The following SOX5 variants were observed in gnomAD, a reference collection of about 807,000 sequenced individuals.
The protein encoded by SOX5 is transcription factor SOX-5.
In SOX5, 9 loss-of-function variants were observed where a neutral mutation model predicts 92.0. The ratio of observed to expected loss-of-function variants is 0.10; its 90% CI spans 0.06 to 0.17. The LOEUF (loss-of-function observed/expected upper bound fraction) is 0.17. Among genes scored for constraint, SOX5 ranks in the 10% least tolerant of loss-of-function variants. The pLI, the probability that SOX5 is intolerant of heterozygous loss-of-function variation, is 1.00. For synonymous variants in SOX5, 344 were observed against 336.3 expected (o/e 1.02, Z -0.25); for missense variants, 642 against 944.5 (o/e 0.68, Z 4.20).
At chr12:24,448,498 C>T (rs954676104) in intron 1 of SOX5, among the ~76,000 whole-genome samples, 3 of 152,152 alleles carry the variant, frequency 2.0e-5, no homozygotes, top group South Asian at 2.1e-4. Context: ...ATATTACCCA[C>T]GGTGTTGTAG....
At chr12:24,458,048 T>G (rs1432220579) in intron 1 of SOX5, among the ~76,000 whole-genome samples, 1 of 150,536 alleles carries the variant, frequency 6.6e-6, no homozygotes, top group African/African-American at 2.4e-5. Flanking sequence ...TTTTTTTTTT[T>G]AGTATAAGTA....
intron 3 of SOX5, among the ~76,000 whole-genome samples, chr12:23,827,867 C>T (rs1053636513): frequency 2.6e-5 from 4 of 152,164 alleles, no homozygotes; most frequent in Non-Finnish European, 5.9e-5. Flanking sequence ...AGTACCATGT[C>T]CTGCCAGAGC....
chr12:24,536,727 T>C (rs1365803725), intron 1 of SOX5, among the ~76,000 whole-genome samples: 1 of 152,216 alleles, frequency 6.6e-6, no homozygotes, highest in Non-Finnish European at 1.5e-5. Context: ...TTTTTACTTT[T>C]TCTAATTTAA....
intron 1 of SOX5, among the ~76,000 whole-genome samples, chr12:24,385,184 G>C (rs960759401): frequency 6.6e-6 from 1 of 152,162 alleles, no homozygotes; most frequent in African/African-American, 2.4e-5. Context: ...ACACAGTACA[G>C]ACTGTCCCCA....
At chr12:23,749,331 A>G (rs1187673127) in intron 4 of SOX5, among the ~76,000 whole-genome samples, 3 of 151,934 alleles carry the variant, frequency 2.0e-5, no homozygotes, top group African/African-American at 7.2e-5. Flanking sequence ...AAATTAATTG[A>G]CATCTTCTTG....
intron 3 of SOX5, among the ~76,000 whole-genome samples, chr12:23,759,702 C>T (rs958493423): frequency 6.6e-6 from 1 of 152,062 alleles, no homozygotes; most frequent in African/African-American, 2.4e-5. Context: ...CCAATATTTA[C>T]AATACACCTG....
chr12:23,608,896 G>A (rs1429586122), intron 8 of SOX5, among the ~76,000 whole-genome samples: 3 of 152,200 alleles, frequency 2.0e-5, no homozygotes, highest in African/African-American at 4.8e-5. Flanking sequence ...TGATATAGCA[G>A]AGGAGAGAGA....
At chr12:24,123,457 A>G (rs1948816604) in intron 4 of SOX5, among the ~76,000 whole-genome samples, 1 of 152,230 alleles carries the variant, frequency 6.6e-6, no homozygotes, top group Non-Finnish European at 1.5e-5. Context: ...GAACATTTTT[A>G]TAGAAAAGCA....
intron 3 of SOX5, among the ~76,000 whole-genome samples, chr12:23,837,208 T>TTATATTTATATGATATATAATA (rs1363158387): frequency 1.5e-5 from 2 of 131,958 alleles, no homozygotes; most frequent in African/African-American, 2.8e-5. Flanking sequence ...TATAATATAT[T>TTATATTTATATGATATATAATA]TATATTTATA....
chr12:24,087,314 G>C (rs1380804529), intron 4 of SOX5, among the ~76,000 whole-genome samples: 2 of 152,006 alleles, frequency 1.3e-5, no homozygotes, highest in East Asian at 1.9e-4. Flanking sequence ...TTTTCAAATA[G>C]AGATGTAATA....
chr12:24,275,277 G>A (rs889621181), intron 3 of SOX5, among the ~76,000 whole-genome samples: 3 of 151,706 alleles, frequency 2.0e-5, no homozygotes, highest in Non-Finnish European at 2.9e-5. Context: ...AATTATATTC[G>A]ATGTGTTTAT....
At chr12:24,436,481 C>A (rs924294699) in intron 1 of SOX5, among the ~76,000 whole-genome samples, 1 of 152,244 alleles carries the variant, frequency 6.6e-6, no homozygotes, top group Non-Finnish European at 1.5e-5. Context: ...CTCAAACTCT[C>A]TTCAATTCTT....
In SOX5 at chr12:24,089,291, T is replaced by A. The variant is rs940830307; in HGVS notation, c.-2+124052A>T. On this transcript the variant is annotated intron_variant, in intron 4 of 4. Transcript: ENST00000446891. ...AAAACAAAGAACGATTGCTACTCCC[T>A]TCCCCCCAGTTTCTATATACAGTCA... 9.9e-5 allele frequency among the ~76,000 whole-genome samples: 15 copies of A among 152,232 alleles called. No homozygotes were observed. The South Asian group carries it at 3.1e-3, about 32-fold the overall frequency.
chr12:24,236,278 T>C (rs1047257574), intron 3 of SOX5, among the ~76,000 whole-genome samples: 24 of 152,102 alleles, frequency 1.6e-4, no homozygotes, highest in Admixed American at 1.4e-3. Context: ...CTTGTGTCAT[T>C]CTTCTCATAT....
chr12:23,584,238 CG>C (rs1348041791), intron 9 of SOX5, among the ~76,000 whole-genome samples: 2 of 151,450 alleles, frequency 1.3e-5, no homozygotes, highest in South Asian at 2.1e-4. Context: ...AGCCCATTGA[CG>C]GGGGGAAAAA....
At chr12:24,138,176 A>G (rs1359527705) in intron 4 of SOX5, among the ~76,000 whole-genome samples, 14 of 152,226 alleles carry the variant, frequency 9.2e-5, no homozygotes, top group Admixed American at 9.2e-4. Context: ...TGTCAGAGGA[A>G]GTTTCAGTGC....
At chr12:23,615,625 T>A (rs1449284372) in intron 8 of SOX5, among the ~76,000 whole-genome samples, 1 of 152,188 alleles carries the variant, frequency 6.6e-6, no homozygotes, top group African/African-American at 2.4e-5. Flanking sequence ...CCTGTGCTAG[T>A]TTGCTAACGA....
chr12:24,428,336 C>T (rs1465350447), intron 1 of SOX5, among the ~76,000 whole-genome samples: 1 of 152,114 alleles, frequency 6.6e-6, no homozygotes, highest in Non-Finnish European at 1.5e-5. Context: ...CCAGACTCTA[C>T]CTCTTCTGTT....
rs188101298 is a variant in SOX5, at chr12:23,757,460, T to C, written c.482-1736A>G. ...CTTCATTGACGCTTTAAAAGTAACTTTGAAATACTTCCACAAGGACTTCCA... is the reference window on the plus strand; with the variant it reads ...CTTCATTGACGCTTTAAAAGTAACTCTGAAATACTTCCACAAGGACTTCCA... On this transcript the variant is annotated intron_variant, in intron 3 of 14. Coordinates refer to ENST00000451604, the MANE Select transcript of SOX5 (RefSeq NM_006940.6). Among the ~76,000 whole-genome samples the C allele has an allele frequency of 2.7e-3, 417 of 152,064 alleles. 3 individuals are homozygous for C. The highest frequency in any genetic ancestry group is 9.6e-3 in the African/African-American group (400 of 41,524).
Sources: gnomAD v4.1 joint callset for allele counts (sites outside exome capture counted in the v4.1 genomes callset) on GRCh38, gnomAD v4.1.1 for gene constraint, MANE v1.5 for transcripts, NCBI Gene and HGNC (gene_info 2026-07-23, HGNC 2026-07-21) for gene names.